Variants in CTNND2 observed in about 807,000 individuals in gnomAD.
CTNND2 encodes the protein catenin delta 2.
Under a neutral mutation model 144.4 loss-of-function variants are expected in CTNND2, and 22 were observed. The ratio of observed to expected loss-of-function variants is 0.15; its 90% confidence interval spans 0.11 to 0.22. The LOEUF (loss-of-function observed/expected upper bound fraction) is 0.22. CTNND2 is among the 10% of genes least tolerant of loss of function. The pLI, the probability that CTNND2 is intolerant of heterozygous loss-of-function variation, is 1.00. For synonymous variants in CTNND2, 751 were observed against 695.6 expected (o/e 1.08, Z -1.25); for missense variants, 1,353 against 1,618.8 (o/e 0.84, Z 2.82).
At chr5:11,573,100 A>T (rs888248131) in intron 2 of CTNND2, among the ~76,000 whole-genome samples, 1 of 152,140 alleles carries the variant, frequency 6.6e-6, no homozygotes, top group African/African-American at 2.4e-5. Context: ...AAGCTACTTA[A>T]CATCTCTAAG....
At chr5:11,381,864 G>A (rs1758517640) in intron 7 of CTNND2, among the ~76,000 whole-genome samples, 1 of 152,164 alleles carries the variant, frequency 6.6e-6, no homozygotes, top group Admixed American at 6.5e-5. Flanking sequence ...CTGCTCAGGA[G>A]GCTAAGGCAG....
chr5:11,434,438 T>C (rs566885914), intron 3 of CTNND2, among the ~76,000 whole-genome samples: 1 of 152,336 alleles, frequency 6.6e-6, no homozygotes, highest in South Asian at 2.1e-4. Context: ...CATGCATTTG[T>C]CAAAATTTGT....
At chr5:11,714,016 AGTTT>A (rs1326630802) in intron 2 of CTNND2, among the ~76,000 whole-genome samples, 9 of 152,320 alleles carry the variant, frequency 5.9e-5, no homozygotes, top group Admixed American at 5.2e-4. Flanking sequence ...GTTCAATATT[AGTTT>A]AACTGTAAAT....
chr5:11,606,260 G>T (rs1780038132), intron 2 of CTNND2, among the ~76,000 whole-genome samples: 1 of 152,200 alleles, frequency 6.6e-6, no homozygotes, highest in Non-Finnish European at 1.5e-5. Context: ...CCTCCAGAAA[G>T]AAATGCAGGC....
At chr5:11,681,974 G>A (rs1784438089) in intron 2 of CTNND2, among the ~76,000 whole-genome samples, 2 of 152,054 alleles carry the variant, frequency 1.3e-5, no homozygotes. Context: ...TCTGACACAT[G>A]ACACATGACA....
intron 3 of CTNND2, among the ~76,000 whole-genome samples, chr5:11,541,587 C>T (rs951028434): frequency 7.2e-5 from 11 of 152,136 alleles, no homozygotes; most frequent in Admixed American, 2.0e-4. Flanking sequence ...TAGAGAATGA[C>T]GAACACACTT....
At chr5:11,786,151 A>G (rs1350078208) in intron 1 of CTNND2, among the ~76,000 whole-genome samples, 1 of 152,002 alleles carries the variant, frequency 6.6e-6, no homozygotes, top group African/African-American at 2.4e-5. Flanking sequence ...TCTCACAACA[A>G]CCACAGGAGC....
intron 16 of CTNND2, among the ~76,000 whole-genome samples, chr5:11,034,015 G>A (rs1397218032): frequency 2.0e-5 from 3 of 152,144 alleles, no homozygotes; most frequent in Non-Finnish European, 4.4e-5. Context: ...GACACTTCAG[G>A]ACCTTTAAGG....
rs143328305 is a variant in CTNND2 at position 11,207,167 on chromosome 5, A to G, written c.1762-7506T>C. Among the ~76,000 whole-genome samples, 1,095 of 152,276 alleles carry G rather than the reference A, an allele frequency of 7.2e-3. 10 individuals carry two copies. The highest frequency in any genetic ancestry group is 0.025 in the African/African-American group (1,048 of 41,558). ...AACCAAACACTGCATGTTCTCACTCATAAGTGGGAGTTGAACGATGAGAAC... is the reference window on the plus strand; with the variant it reads ...AACCAAACACTGCATGTTCTCACTCGTAAGTGGGAGTTGAACGATGAGAAC... On this transcript the variant is annotated intron_variant, in intron 10 of 21. Coordinates refer to ENST00000304623, the MANE Select transcript of CTNND2 (RefSeq NM_001332.4).
intron 1 of CTNND2, among the ~76,000 whole-genome samples, chr5:11,816,440 A>G (rs1330597719): frequency 6.6e-6 from 1 of 151,558 alleles, no homozygotes. Flanking sequence ...CATGCAAACA[A>G]CATGCATCAG....
At chr5:11,005,853 A>G (rs1004196581) in intron 18 of CTNND2, among the ~76,000 whole-genome samples, 37 of 152,248 alleles carry the variant, frequency 2.4e-4, no homozygotes, top group African/African-American at 7.7e-4. Context: ...CTAGTCTTCA[A>G]ATGCATTTAA....
intron 9 of CTNND2, among the ~76,000 whole-genome samples, chr5:11,330,259 CAGG>C (rs1356557479): frequency 6.9e-6 from 1 of 144,316 alleles, no homozygotes; most frequent in African/African-American, 2.6e-5. Flanking sequence ...ATCACGAGGT[CAGG>C]AGATCGAGAC....
At chr5:11,830,116 T>C (rs922958297) in intron 1 of CTNND2, among the ~76,000 whole-genome samples, 11 of 152,232 alleles carry the variant, frequency 7.2e-5, no homozygotes, top group African/African-American at 1.2e-4. Context: ...ACCAACATTG[T>C]ATCTAGGAAG....
intron 16 of CTNND2, among the ~76,000 whole-genome samples, chr5:11,079,605 G>T (rs1049491948): frequency 1.3e-5 from 2 of 152,068 alleles, no homozygotes; most frequent in Non-Finnish European, 2.9e-5. Context: ...TCCCTTGAAG[G>T]CCTGGAGCCC....
intron 9 of CTNND2, among the ~76,000 whole-genome samples, chr5:11,255,611 G>C (rs932709082): frequency 6.6e-6 from 1 of 152,018 alleles, no homozygotes; most frequent in Non-Finnish European, 1.5e-5. Context: ...CAAAGGTTAC[G>C]CATTCTATCT....
intron 7 of CTNND2, among the ~76,000 whole-genome samples, chr5:11,366,226 GA>G (rs1756967071): frequency 2.6e-5 from 4 of 151,978 alleles, no homozygotes; most frequent in South Asian, 4.2e-4. Flanking sequence ...GAATATTTGA[GA>G]AAAAAAGCCA....
intron 1 of CTNND2, among the ~76,000 whole-genome samples, chr5:11,857,497 T>C (rs1434278185): frequency 6.6e-6 from 1 of 152,150 alleles, no homozygotes; most frequent in Admixed American, 6.5e-5. Context: ...GACAATACGA[T>C]CTGATGACCC....
rs146222318 is a variant in CTNND2 at position 11,710,824 on chromosome 5, T to C, written c.174+21312A>G. On this transcript the variant is annotated intron_variant, in intron 2 of 21. Coordinates refer to ENST00000304623, the MANE Select transcript of CTNND2 (RefSeq NM_001332.4). ...AGGGAGGTTAGGGTTGAGTTTGCTATGTGCATCAAAGCTTTTGCTACGTTT... is the reference window on the plus strand; with the variant it reads ...AGGGAGGTTAGGGTTGAGTTTGCTACGTGCATCAAAGCTTTTGCTACGTTT... Among the ~76,000 whole-genome samples, 598 of 152,332 alleles carry C rather than the reference T, an allele frequency of 3.9e-3. 5 individuals carry two copies. Among genetic ancestry groups the C allele is most frequent in the African/African-American group, 0.014 (564 of 41,578 alleles).
At chr5:11,455,713 G>A (rs776294049) in intron 3 of CTNND2, among the ~76,000 whole-genome samples, 3 of 152,104 alleles carry the variant, frequency 2.0e-5, no homozygotes, top group Non-Finnish European at 4.4e-5. Context: ...TCCCTAACAG[G>A]AGAGAAAAGA....
Sources: allele counts gnomAD v4.1 joint callset (sites outside exome capture counted in the v4.1 genomes callset), GRCh38; gene constraint gnomAD v4.1.1; transcripts MANE v1.5; gene names NCBI Gene and HGNC (gene_info 2026-07-23, HGNC 2026-07-21).